Variants in PDXDC1 observed in about 807,000 individuals in gnomAD.
PDXDC1 encodes pyridoxal-dependent decarboxylase domain-containing protein 1.
PDXDC1 carries 42 observed loss-of-function variants against 100.1 expected under a neutral mutation model. The ratio of observed to expected loss-of-function variants is 0.42; its 90% CI spans 0.33 to 0.54. The LOEUF (loss-of-function observed/expected upper bound fraction) is 0.54. Ranked by LOEUF, PDXDC1 falls within the 20% of genes least tolerant of loss-of-function variation. The probability of loss-of-function intolerance (pLI) is 0.10; values close to 1 mark genes in which losing one functional copy is unlikely to be tolerated. For missense variants in PDXDC1, 636 were observed against 979.2 expected (o/e 0.65, Z 4.68); for synonymous variants, 260 against 371.7 (o/e 0.70, Z 3.46).
chr16:15,004,534 G>C (rs1169535785), intron 5 of PDXDC1, among the ~76,000 whole-genome samples: 2 of 152,296 alleles, frequency 1.3e-5, no homozygotes, highest in Non-Finnish European at 2.9e-5. Flanking sequence ...AGGATTAAAT[G>C]AGCTAATGGA....
intron 16 of PDXDC1, among the ~76,000 whole-genome samples, chr16:15,096,351 C>T (rs1392838008): frequency 7.2e-5 from 11 of 152,094 alleles, no homozygotes; most frequent in Admixed American, 3.9e-4. Context: ...TCAAGTGATC[C>T]GCCCGCCTTG....
chr16:15,052,667 C>G (rs907938744), intron 16 of PDXDC1, among the ~76,000 whole-genome samples: 4 of 152,100 alleles, frequency 2.6e-5, no homozygotes, highest in African/African-American at 9.7e-5. Flanking sequence ...AGCCCCATCT[C>G]TACTAAAAAT....
intron 16 of PDXDC1, among the ~76,000 whole-genome samples, chr16:15,064,906 C>T (rs1193416447): frequency 6.6e-6 from 1 of 152,218 alleles, no homozygotes; most frequent in Non-Finnish European, 1.5e-5. Flanking sequence ...GTGGCTCACG[C>T]CTGTAATCCC....
chr16:15,041,389 A>G (rs1440463531), downstream of PDXDC1, among the ~76,000 whole-genome samples: 1 of 152,022 alleles, frequency 6.6e-6, no homozygotes, highest in Non-Finnish European at 1.5e-5. Flanking sequence ...AGCTCCTCTG[A>G]GATCCAGTGC....
chr16:15,076,275 C>A (rs1412165499), intron 16 of PDXDC1, among the ~76,000 whole-genome samples: 1 of 152,206 alleles, frequency 6.6e-6, no homozygotes, highest in African/African-American at 2.4e-5. Flanking sequence ...CTATTAACCA[C>A]GCCCTCACAG....
chr16:15,089,786 CAAAAAAAAAAA>C (rs142235345), intron 16 of PDXDC1, among the ~76,000 whole-genome samples: 1 of 66,580 alleles, frequency 1.5e-5, no homozygotes, highest in East Asian at 5.2e-4. Context: ...GGCGACAGAG[CAAAAAAAAAAA>C]AAAAAAAAAA....
downstream of PDXDC1, among the ~76,000 whole-genome samples, chr16:15,043,193 C>T (rs915093882): frequency 6.6e-6 from 1 of 152,026 alleles, no homozygotes; most frequent in Non-Finnish European, 1.5e-5. Flanking sequence ...AGCCACCGCA[C>T]CCGGCCTAAT....
downstream of PDXDC1, among the ~76,000 whole-genome samples, chr16:15,040,760 G>C (rs533483082): frequency 5.9e-5 from 9 of 152,274 alleles, no homozygotes; most frequent in South Asian, 1.0e-3. Flanking sequence ...TGGGGTGCTG[G>C]GGGGAGAGGG....
chr16:15,091,867 G>C (rs1245588030), intron 16 of PDXDC1, among the ~76,000 whole-genome samples: 1 of 152,086 alleles, frequency 6.6e-6, no homozygotes, highest in African/African-American at 2.4e-5. Flanking sequence ...GTAATGCTTA[G>C]GTAAGTTCCT....
intron 16 of PDXDC1, among the ~76,000 whole-genome samples, chr16:15,069,392 C>T (rs1006032016): frequency 1.3e-5 from 2 of 152,180 alleles, no homozygotes; most frequent in African/African-American, 4.8e-5. Flanking sequence ...AAGAATTATT[C>T]ATAAACATAA....
Position 15,123,304 on chromosome 16 carries a change from C to T in PDXDC1, c.1400-15575C>T. 7 of 1,452,560 alleles carry T rather than the reference C, an allele frequency of 4.8e-6. 1 individual carries two copies. The highest frequency in any genetic ancestry group is 6.5e-6 in the Non-Finnish European group (7 of 1,073,046). The allele number at this position is 1,452,560 out of a possible 1,614,324, so 90.0% of individuals were successfully genotyped here. A position where few individuals can be genotyped will look rare whatever the true frequency, so the allele number is the denominator to read the frequency against. ...ACCTTCACAAACCTGATTTCTGGTCCACCCCAACCAGCTCCCTGTCCCTGC... is the reference window on the plus strand; with the variant it reads ...ACCTTCACAAACCTGATTTCTGGTCTACCCCAACCAGCTCCCTGTCCCTGC... On this transcript the variant is annotated intron_variant, in intron 16 of 16. Coordinates refer to the PDXDC1 transcript ENST00000535621.
the PDXDC1 span, among the ~76,000 whole-genome samples, chr16:15,149,298 G>A: frequency 6.6e-6 from 1 of 152,198 alleles, no homozygotes; most frequent in Non-Finnish European, 1.5e-5. Flanking sequence ...TCTGTCCTTG[G>A]AGAATCATCT....
chr16:15,038,073 A>G lies in PDXDC1; in HGVS notation c.*1798A>G. Reference sequence around the variant, plus strand: ...AGATCTTTTCCCACAAGCCATCTTCATTTTTTTTGTAGAGTAGGGCTTTAT... The same window carrying G: ...AGATCTTTTCCCACAAGCCATCTTCGTTTTTTTTGTAGAGTAGGGCTTTAT... On this transcript the variant is annotated 3_prime_UTR_variant, in exon 23 of 23. Transcript: ENST00000396410. 2 of 1,603,366 alleles carry G rather than the reference A, an allele frequency of 1.2e-6. No homozygotes were observed. Among genetic ancestry groups the G allele is most frequent in the East Asian group, 2.2e-5 (1 of 44,698 alleles).
chr16:15,000,641 C>T (rs969003520), intron 3 of PDXDC1, among the ~76,000 whole-genome samples: 4 of 152,414 alleles, frequency 2.6e-5, no homozygotes, highest in South Asian at 2.1e-4. Context: ...GAATTCTTTT[C>T]GTAACTTTCC....
downstream of PDXDC1, among the ~76,000 whole-genome samples, chr16:15,141,376 C>T (rs998499177): frequency 1.6e-4 from 25 of 152,246 alleles, no homozygotes; most frequent in East Asian, 5.8e-4. Flanking sequence ...GCCCCAGCCA[C>T]GGACGGTGGA....
chr16:14,991,623 A>T (rs1434340267), intron 1 of PDXDC1, among the ~76,000 whole-genome samples: 1 of 152,140 alleles, frequency 6.6e-6, no homozygotes, highest in Admixed American at 6.6e-5. Flanking sequence ...GGCTCAAGCA[A>T]TCCTCTTGCC....
the PDXDC1 span, among the ~76,000 whole-genome samples, chr16:15,146,537 G>A: frequency 1.3e-5 from 2 of 152,164 alleles, no homozygotes; most frequent in African/African-American, 2.4e-5. Flanking sequence ...CCCAGAGGTA[G>A]GCACAAGCAG....
intron 1 of PDXDC1, among the ~76,000 whole-genome samples, chr16:14,990,705 C>G (rs553525073): frequency 4.6e-5 from 7 of 152,400 alleles, no homozygotes; most frequent in East Asian, 1.9e-4. Flanking sequence ...CCCACTCCCC[C>G]CTGGGCTTAC....
chr16:15,019,615 A>G (rs1413056672), intron 12 of PDXDC1, among the ~76,000 whole-genome samples: 2 of 152,388 alleles, frequency 1.3e-5, no homozygotes, highest in East Asian at 3.9e-4. Context: ...CCCGTTCCTC[A>G]TAGATAGTGC....
Sources: gnomAD v4.1 joint callset for allele counts (sites outside exome capture counted in the v4.1 genomes callset) on GRCh38, gnomAD v4.1.1 for gene constraint, MANE v1.5 for transcripts, NCBI Gene and HGNC (gene_info 2026-07-23, HGNC 2026-07-21) for gene names.